The following ZNF624 variants were observed in gnomAD, a reference collection of about 807,000 sequenced individuals.
ZNF624 encodes the protein zinc finger protein 624.
Under a neutral mutation model 74.7 loss-of-function variants are expected in ZNF624, and 43 were observed. The observed-to-expected ratio is 0.58, with a 90% CI of 0.45 to 0.74. The LOEUF is 0.74. Ranked by LOEUF, ZNF624 falls within the 30% of genes least tolerant of loss-of-function variation. The pLI is 0.00. For missense variants in ZNF624, 820 were observed against 1,030.0 expected (o/e 0.80, Z 2.79); for synonymous variants, 331 against 341.3 (o/e 0.97, Z 0.33).
At chr17:16,615,627 T>C in the ZNF624 span, among the ~76,000 whole-genome samples, 1 of 152,172 alleles carries the variant, frequency 6.6e-6, no homozygotes. Flanking sequence ...ACACCCATCC[T>C]GATAACAAAC....
In ZNF624 at chr17:16,623,434, A is replaced by G. The variant is rs942637595; in HGVS notation, c.1452T>C (p.Asn484=). 6.2e-7 allele frequency: 1 copy of G among 1,613,862 alleles called. No individual in the cohort carries two copies. The highest frequency in any genetic ancestry group is 8.5e-7 in the Non-Finnish European group (1 of 1,179,920). ...CNECGKAYRS[N]SSLIVHIRTH... is the part of the protein sequence containing the mutation. ...TTCTTATATGTACGATAAGGCTTGA[A>G]TTACTTCTATAGGCTTTTCCACATT... Residue 484 remains asparagine, a synonymous_variant, in exon 6 of 6, where the codon AAT becomes AAC. Coordinates refer to ENST00000311331, the MANE Select transcript of ZNF624 (RefSeq NM_020787.4). The surrounding 1 kb of genome is among the most constrained non-coding windows in gnomAD (Gnocchi z 5.3).
chr17:16,630,755 C>T (rs539103391), intron 5 of ZNF624, among the ~76,000 whole-genome samples: 13 of 152,058 alleles, frequency 8.5e-5, no homozygotes, highest in Middle Eastern at 6.8e-3. Flanking sequence ...TACTTCATAA[C>T]GACAAAAGCC....
At position 16,622,093 on chromosome 17, in the gene ZNF624, A is replaced by C. The variant is rs562076320; in HGVS notation, c.*195T>G. ...TCTGGATGAACACTTTCATTTGTTC[A>C]TTATTTTCCTCTAGTGAGAGTTTCC... is the stretch of plus-strand genomic sequence containing the variant. On this transcript the variant is annotated 3_prime_UTR_variant, in exon 6 of 6. Transcript: ENST00000311331. 2.7e-5 allele frequency: 11 copies of C among 404,410 alleles called. No homozygotes were observed. The highest frequency in any genetic ancestry group is 4.7e-5 in the Non-Finnish European group (11 of 232,100). The allele number at this position is 404,410 out of a possible 1,614,324, so 25.1% of individuals were successfully genotyped here. A position where few individuals can be genotyped will look rare whatever the true frequency, so the allele number is the denominator to read the frequency against.
chr17:16,649,876 G>A, intron 1 of ZNF624, 130 bp from the exon 2 acceptor site: 1 of 679,504 alleles, frequency 1.5e-6, no homozygotes, highest in Non-Finnish European at 2.6e-6. Context: ...TAAGATCAGT[G>A]AGGGACAAAG....
intron 2 of ZNF624, among the ~76,000 whole-genome samples, chr17:16,647,610 G>C (rs1244377136): frequency 3.3e-5 from 5 of 152,094 alleles, no homozygotes; most frequent in Non-Finnish European, 1.5e-5. Flanking sequence ...GATTGAAAAA[G>C]ATATAACTGC....
At chr17:16,635,882 A>AG in intron 3 of ZNF624, among the ~76,000 whole-genome samples, 1 of 151,876 alleles carries the variant, frequency 6.6e-6, no homozygotes, top group East Asian at 1.9e-4. Flanking sequence ...TTTAAGAGAA[A>AG]AAAAAAAAAA....
chr17:16,644,936 T>G (rs913556054), intron 3 of ZNF624, among the ~76,000 whole-genome samples: 1 of 152,372 alleles, frequency 6.6e-6, no homozygotes, highest in South Asian at 2.1e-4. Context: ...AAGCAGTTAT[T>G]TGCAACCCAG....
At position 16,622,846 on chromosome 17, in the gene ZNF624, T is replaced by C. The variant is rs769973058; in HGVS notation, c.2040A>G (p.Thr680=). 1.9e-6 allele frequency: 3 copies of C among 1,613,920 alleles called. No individual in the cohort carries two copies. Among genetic ancestry groups the C allele is most frequent in the Non-Finnish European group, 2.5e-6 (3 of 1,179,938 alleles). ...CNECEKAFTN[T]SQLTVHQRRH... is the part of the protein sequence containing the mutation. ...TTCGTTGGTGCACGGTAAGCTGTGA[T>C]GTATTAGTGAAGGCTTTCTCACATT... The change falls in exon 6 of 6, where the codon ACA becomes ACG. Residue 680 remains threonine, a synonymous_variant. Transcript: ENST00000311331.
At chr17:16,648,492 T>C (rs1268741448) in intron 2 of ZNF624, among the ~76,000 whole-genome samples, 1 of 152,240 alleles carries the variant, frequency 6.6e-6, no homozygotes, top group Admixed American at 6.5e-5. Context: ...GATCCCGTGA[T>C]ACACGATTAG....
intron 1 of ZNF624, among the ~76,000 whole-genome samples, chr17:16,649,955 T>C (rs73978608): frequency 0.014 from 2,156 of 152,276 alleles, 48 homozygotes; most frequent in African/African-American, 0.049. Flanking sequence ...GGCTAGCCAT[T>C]GTACAAGGAG....
chr17:16,630,867 T>C (rs1411056430), intron 5 of ZNF624, among the ~76,000 whole-genome samples: 1 of 142,398 alleles, frequency 7.0e-6, no homozygotes, highest in East Asian at 1.9e-4. Context: ...GAAGCAAATG[T>C]ATAGTCTCAC....
chr17:16,619,033 T>C (rs1336322339), downstream of ZNF624, among the ~76,000 whole-genome samples: 1 of 152,116 alleles, frequency 6.6e-6, no homozygotes, highest in Non-Finnish European at 1.5e-5. Flanking sequence ...TTGGTATTGT[T>C]ACAATAATAA....
rs753445988 is a variant in ZNF624, at chr17:16,633,883, T to G, written c.355A>C (p.Ile119Leu). ...GKGPWVTVRE[I>L]SRIPYPDMEP... ...TCACCAGGATAGGGAATTCTTGAAATTTCTCTCACCGTCACCCATGGTCCT... is the reference window on the plus strand; with the variant it reads ...TCACCAGGATAGGGAATTCTTGAAAGTTCTCTCACCGTCACCCATGGTCCT... Residue 119 changes from isoleucine (I) to leucine (L), a missense_variant, in exon 5 of 6, where the codon ATT becomes CTT. Physicochemically the swap from Ile to Leu is conservative, Grantham distance 5. Coordinates refer to ENST00000311331, the MANE Select transcript of ZNF624 (RefSeq NM_020787.4). The G allele has an allele frequency of 4.3e-6, 7 of 1,613,660 alleles. No homozygotes were observed. The highest frequency in any genetic ancestry group is 5.9e-6 in the Non-Finnish European group (7 of 1,179,648).
At position 16,622,876 on chromosome 17, in the gene ZNF624, A is replaced by G. The variant is rs766463928; in HGVS notation, c.2010T>C (p.Cys670=). The change falls in exon 6 of 6, where the codon TGT becomes TGC. Residue 670 remains cysteine, a synonymous_variant. Transcript: ENST00000311331. ...TAGTGAAGGCTTTCTCACATTCATT[A>G]CATTTATATGGTTTTTCTCCAGTAT... ...RTHTGEKPYK[C]NECEKAFTNT... is the part of the protein sequence containing the mutation. 1.1e-5 allele frequency: 18 copies of G among 1,613,768 alleles called. No individual in the cohort carries two copies. In the South Asian group the frequency reaches 1.2e-4, roughly 11 times the overall value.
At chr17:16,627,011 C>T (rs1043425346) in intron 5 of ZNF624, among the ~76,000 whole-genome samples, 1 of 151,854 alleles carries the variant, frequency 6.6e-6, no homozygotes, top group Non-Finnish European at 1.5e-5. Flanking sequence ...GCCGAGATCA[C>T]GCCACTGCAC....
Position 16,623,682 on chromosome 17 carries a change from T to C in ZNF624, c.1204A>G (p.Lys402Glu). Residue 402 changes from lysine to glutamate, a missense_variant, in exon 6 of 6, where the codon AAA becomes GAA. Coordinates refer to ENST00000311331, the MANE Select transcript of ZNF624 (RefSeq NM_020787.4). The surrounding 1 kb of genome is among the most constrained non-coding windows in gnomAD (Gnocchi z 5.3). ...ECGKAFSDKS[K>E]LARHQETHNG... is the part of the protein sequence containing the mutation. ...TGAGTTTCCTGATGTCTTGCAAGTT[T>C]TGATTTATCACTAAAAGCTTTCCCG... The C allele has an allele frequency of 6.2e-7, 1 of 1,609,334 alleles. No homozygotes were observed. Among genetic ancestry groups the C allele is most frequent in the Non-Finnish European group, 8.5e-7 (1 of 1,178,636 alleles).
Position 16,624,399 on chromosome 17 carries a change from A to T in ZNF624, c.487T>A (p.Ser163Thr). The change falls in exon 6 of 6, where the codon TCC becomes ACC. Residue 163 changes from serine (S) to threonine (T), a missense_variant. Coordinates refer to ENST00000311331, the MANE Select transcript of ZNF624 (RefSeq NM_020787.4). ...EKLTENGLWD[S>T]RMEGLWKWND... ...CATTTCCATAACCCTTCCATTCTGG[A>T]ATCCCACAGACCATTCTCTGTAAGT... is the stretch of plus-strand genomic sequence containing the variant. 1 of 1,613,956 alleles carries T rather than the reference A, an allele frequency of 6.2e-7. No individual in the cohort carries two copies. The highest frequency in any genetic ancestry group is 8.5e-7 in the Non-Finnish European group (1 of 1,179,992).
chr17:16,615,769 G>C (rs2142553742), downstream of ZNF624, among the ~76,000 whole-genome samples: 1 of 151,842 alleles, frequency 6.6e-6, no homozygotes, highest in South Asian at 2.1e-4. Flanking sequence ...TATTTCTGGA[G>C]GTCCTAGCCA....
chr17:16,648,236 G>A (rs1022617284), intron 2 of ZNF624, among the ~76,000 whole-genome samples: 3 of 151,492 alleles, frequency 2.0e-5, no homozygotes, highest in Non-Finnish European at 1.5e-5. Flanking sequence ...GAGCCACTGC[G>A]CCCAGCCCAT....
Sources: gnomAD v4.1 joint callset for allele counts (sites outside exome capture counted in the v4.1 genomes callset) on GRCh38, gnomAD v4.1.1 for gene constraint, Gnocchi (gnomAD v3.1) non-coding constraint, MANE v1.5 for transcripts, NCBI Gene and HGNC (gene_info 2026-07-23, HGNC 2026-07-21) for gene names.